Variants in PNO1 observed in about 807,000 individuals in gnomAD.
The protein encoded by PNO1 is RNA-binding protein PNO1.
In PNO1, 16 loss-of-function variants were observed where a neutral mutation model predicts 28.4. That is an observed-to-expected ratio of 0.56 (90% CI 0.38 to 0.85). The LOEUF (loss-of-function observed/expected upper bound fraction) is 0.85. PNO1 is among the 40% of genes least tolerant of loss of function. The pLI, the probability that PNO1 is intolerant of heterozygous loss-of-function variation, is 0.00. For synonymous variants in PNO1, 115 were observed against 110.8 expected, an observed-to-expected ratio of 1.04 and a Z score of -0.24; for missense variants, 304 against 312.2, an observed-to-expected ratio of 0.97 and a Z score of 0.20.
intron 5 of PNO1, among the ~76,000 whole-genome samples, chr2:68,164,880 T>G: frequency 6.6e-6 from 1 of 152,238 alleles, no homozygotes; most frequent in Admixed American, 6.5e-5. Context: ...ATAAACCTGT[T>G]GTAAATTAAT....
At chr2:68,159,254 ATGTGTGTG>A (rs71825244) in intron 2 of PNO1, among the ~76,000 whole-genome samples, 2 of 150,248 alleles carry the variant, frequency 1.3e-5, no homozygotes, top group South Asian at 2.1e-4. Context: ...ATGCATATAT[ATGTGTGTG>A]TGTGTGTGTG....
At chr2:68,173,675 C>G (rs1019081834) in intron 6 of PNO1, among the ~76,000 whole-genome samples, 14 of 150,210 alleles carry the variant, frequency 9.3e-5, no homozygotes, top group Admixed American at 9.3e-4. Flanking sequence ...CTCTGCCTCC[C>G]AAGTTCAAGC....
In PNO1 at chr2:68,158,481, G is replaced by C. The variant is rs1180547520; in HGVS notation, c.309G>C (p.Leu103Phe). ...TATTTACTCCTATTGTGGAACATTTGGGACTTCAGATACGCTTTAACTTGA... is the reference window on the plus strand; with the variant it reads ...TATTTACTCCTATTGTGGAACATTTCGGACTTCAGATACGCTTTAACTTGA... ...MKIFTPIVEH[L>F]GLQIRFNLKS... is the part of the protein sequence containing the mutation. Residue 103 changes from leucine (L) to phenylalanine (F), a missense_variant, in exon 2 of 7, where the codon TTG (leucine) becomes TTC (phenylalanine). Physicochemically the swap from Leu to Phe is conservative, Grantham distance 22 (BLOSUM62 0). Coordinates refer to ENST00000263657, the MANE Select transcript of PNO1 (RefSeq NM_020143.4). The C allele has an allele frequency of 1.2e-6, 2 of 1,613,700 alleles. No homozygotes were observed. The highest frequency in any genetic ancestry group is 4.5e-5 in the East Asian group (2 of 44,880).
intron 5 of PNO1, among the ~76,000 whole-genome samples, chr2:68,167,244 G>A (rs1356723610): frequency 1.3e-5 from 2 of 152,180 alleles, no homozygotes; most frequent in Non-Finnish European, 1.5e-5. Flanking sequence ...CTGAATTAGA[G>A]AGTGGGTGCA....
At chr2:68,171,252 G>C (rs1482777672) in intron 5 of PNO1, among the ~76,000 whole-genome samples, 1 of 152,220 alleles carries the variant, frequency 6.6e-6, no homozygotes, top group African/African-American at 2.4e-5. Context: ...TCCTCTTGAT[G>C]TATTCGAATG....
At chr2:68,172,081 G>C (rs1487761130) in intron 5 of PNO1, among the ~76,000 whole-genome samples, 1 of 152,150 alleles carries the variant, frequency 6.6e-6, no homozygotes, top group Non-Finnish European at 1.5e-5. Context: ...TGGCATAAAG[G>C]ATATCAAGGA....
At chr2:68,158,731 G>T (rs1339034913) in intron 2 of PNO1, among the ~76,000 whole-genome samples, 1 of 152,176 alleles carries the variant, frequency 6.6e-6, no homozygotes, top group Admixed American at 6.5e-5. Context: ...TTGTAAATTA[G>T]TTCTGAGATC....
intron 6 of PNO1, among the ~76,000 whole-genome samples, chr2:68,173,820 A>T (rs529904828): frequency 1.3e-5 from 2 of 151,992 alleles, no homozygotes; most frequent in Non-Finnish European, 2.9e-5. Flanking sequence ...TGACCTTGTG[A>T]TCCGTCCACC....
chr2:68,161,351 G>A (rs1053208439), intron 2 of PNO1: 1 of 476,652 alleles, frequency 2.1e-6, no homozygotes, highest in Non-Finnish European at 4.3e-6. Flanking sequence ...GCATTGAAGG[G>A]ATGGACAGAA....
intron 5 of PNO1, among the ~76,000 whole-genome samples, chr2:68,172,354 C>T (rs1192450842): frequency 6.6e-6 from 1 of 152,106 alleles, no homozygotes; most frequent in African/African-American, 2.4e-5. Context: ...CCCCCAGGCC[C>T]AGAGGTACCT....
intron 5 of PNO1, among the ~76,000 whole-genome samples, chr2:68,165,278 GGC>G (rs1673948270): frequency 6.7e-6 from 1 of 149,084 alleles, no homozygotes; most frequent in African/African-American, 2.5e-5. Context: ...GCAGGAGAAT[GGC>G]GTGAACCCGG....
intron 5 of PNO1, among the ~76,000 whole-genome samples, chr2:68,164,685 T>C (rs976512425): frequency 3.3e-5 from 5 of 152,096 alleles, no homozygotes; most frequent in African/African-American, 1.2e-4. Context: ...TAGCCCTAGC[T>C]GCTCAGGAGG....
chr2:68,165,191 T>C (rs553682314), intron 5 of PNO1, among the ~76,000 whole-genome samples: 1,654 of 151,408 alleles, frequency 0.011, 35 homozygotes, highest in African/African-American at 0.037. Context: ...GGTGAAACCC[T>C]GTCTCTACTA....
chr2:68,172,936 CT>C (rs1241791108), intron 5 of PNO1, among the ~76,000 whole-genome samples: 1 of 152,096 alleles, frequency 6.6e-6, no homozygotes, highest in African/African-American at 2.4e-5. Context: ...AAAATTCACC[CT>C]TTTAAAAAGT....
intron 2 of PNO1, among the ~76,000 whole-genome samples, chr2:68,159,737 G>A (rs138091803): frequency 6.6e-6 from 1 of 152,216 alleles, no homozygotes; most frequent in East Asian, 1.9e-4. Context: ...TTGATAAAGT[G>A]TAAAATATCA....
intron 5 of PNO1, among the ~76,000 whole-genome samples, chr2:68,164,187 G>A (rs1673915085): frequency 6.6e-6 from 1 of 152,196 alleles, no homozygotes; most frequent in Non-Finnish European, 1.5e-5. Context: ...ATGTGCAAAT[G>A]CACACCACAT....
intron 5 of PNO1, among the ~76,000 whole-genome samples, chr2:68,170,377 G>A (rs549747592): frequency 4.3e-4 from 66 of 152,188 alleles, no homozygotes; most frequent in Admixed American, 1.0e-3. Flanking sequence ...ATCTGTTCTT[G>A]TTGTCTTTAT....
In PNO1 at chr2:68,162,554, C is replaced by G. The variant is rs1673862402; in HGVS notation, c.511C>G (p.Leu171Val). The change falls in exon 5 of 7, where the codon CTA becomes GTA. Residue 171 changes from leucine (L) to valine (V), a missense_variant. Physicochemically the swap from Leu to Val is conservative, Grantham distance 32 (BLOSUM62 1). Transcript: ENST00000263657. The part of the protein sequence containing the change: ...ESFEITDVKP[L>V]KGDHLSRAIG... ...TTGCTTTTCTTGTTTAGTTAAACCC[C>G]TAAAGGGAGACCATCTATCCAGGGC... is the stretch of plus-strand genomic sequence containing the variant. 6.2e-7 allele frequency: 1 copy of G among 1,611,474 alleles called. No individual in the cohort carries two copies. Among genetic ancestry groups the G allele is most frequent in the Non-Finnish European group, 8.5e-7 (1 of 1,177,650 alleles).
At chr2:68,158,669 G>A in intron 2 of PNO1, 140 bp downstream of exon 2, 1 of 660,228 alleles carries the variant, frequency 1.5e-6, no homozygotes, top group Non-Finnish European at 2.4e-6. Flanking sequence ...TATTGAGTTT[G>A]AACTTCCCAA....
Sources: allele counts gnomAD v4.1 joint callset (sites outside exome capture counted in the v4.1 genomes callset), GRCh38; gene constraint gnomAD v4.1.1; transcripts MANE v1.5; gene names NCBI Gene and HGNC (gene_info 2026-07-23, HGNC 2026-07-21).